Variants in ADGRL2 observed in about 807,000 individuals in gnomAD.
The protein encoded by ADGRL2 is adhesion G protein-coupled receptor L2.
ADGRL2 carries 44 observed loss-of-function variants against 157.4 expected under a neutral mutation model. That is an observed-to-expected ratio of 0.28 (90% CI 0.22 to 0.36). ADGRL2 has a LOEUF of 0.36. ADGRL2 is among the 10% of genes least tolerant of loss of function. ADGRL2 has a pLI of 1.00. For synonymous variants in ADGRL2, 585 were observed against 624.7 expected (o/e 0.94, Z 0.95); for missense variants, 1,510 against 1,768.9 (o/e 0.85, Z 2.63).
At chr1:81,788,662 C>T (rs1017890747) in intron 2 of ADGRL2, among the ~76,000 whole-genome samples, 75 of 152,278 alleles carry the variant, frequency 4.9e-4, no homozygotes, top group African/African-American at 1.6e-3. Flanking sequence ...TTGCTATGAG[C>T]TAATATACAC....
chr1:81,663,147 T>C (rs1049721255), intron 3 of ADGRL2, among the ~76,000 whole-genome samples: 3 of 142,760 alleles, frequency 2.1e-5, no homozygotes, highest in Non-Finnish European at 3.0e-5. Flanking sequence ...CCAAGAAAGC[T>C]TCTTTCCAAG....
At chr1:81,864,087 G>T (rs2093464691) in intron 2 of ADGRL2, among the ~76,000 whole-genome samples, 1 of 152,036 alleles carries the variant, frequency 6.6e-6, no homozygotes, top group Admixed American at 6.6e-5. Context: ...AGCATTTCAG[G>T]TATTTTAATT....
chr1:81,455,820 T>A (rs2077793963), intron 2 of ADGRL2, among the ~76,000 whole-genome samples: 1 of 152,204 alleles, frequency 6.6e-6, no homozygotes, highest in Non-Finnish European at 1.5e-5. Context: ...AGTGGTGATT[T>A]TAGAAAGACT....
At chr1:81,404,895 A>G in intron 1 of ADGRL2, among the ~76,000 whole-genome samples, 1 of 152,342 alleles carries the variant, frequency 6.6e-6, no homozygotes, top group South Asian at 2.1e-4. Context: ...ACAAATCAAG[A>G]TGATTATTAA....
intron 1 of ADGRL2, among the ~76,000 whole-genome samples, chr1:81,376,837 C>T (rs1355892683): frequency 1.3e-5 from 2 of 152,070 alleles, no homozygotes; most frequent in African/African-American, 4.8e-5. Flanking sequence ...GGTTTGCCAA[C>T]ACTAACAGCA....
intron 3 of ADGRL2, among the ~76,000 whole-genome samples, chr1:81,683,641 C>T (rs1371097767): frequency 4.6e-5 from 7 of 151,198 alleles, no homozygotes; most frequent in South Asian, 2.1e-4. Flanking sequence ...TTTATGGCTG[C>T]GTAGTATTCC....
intron 2 of ADGRL2, chr1:81,502,331 C>A: frequency 6.2e-7 from 1 of 1,614,092 alleles, no homozygotes; most frequent in Non-Finnish European, 8.5e-7. Context: ...GCAGCTCAAG[C>A]AGAATGGTGG....
rs139725295 is a variant in ADGRL2, at chr1:81,553,378, G to T, written c.-247-27498G>T. Among the ~76,000 whole-genome samples, 183 of 152,228 alleles carry T rather than the reference G, an allele frequency of 1.2e-3. 2 individuals are homozygous for T. Among genetic ancestry groups the T allele is most frequent in the Admixed American group, 0.011 (165 of 15,292 alleles). ...TTTAGTATCTCCCAAAGCAGTATTTGCAGCTATGCAAAAATTTTTCACATC... is the reference window on the plus strand; with the variant it reads ...TTTAGTATCTCCCAAAGCAGTATTTTCAGCTATGCAAAAATTTTTCACATC... On this transcript the variant is annotated intron_variant, in intron 2 of 24. Coordinates refer to the ADGRL2 transcript ENST00000370721.
At chr1:81,604,563 T>C (rs1193902224) in intron 3 of ADGRL2, among the ~76,000 whole-genome samples, 1 of 152,216 alleles carries the variant, frequency 6.6e-6, no homozygotes, top group African/African-American at 2.4e-5. Context: ...TGCTAAGGAC[T>C]GAGATGCTTT....
upstream of ADGRL2, among the ~76,000 whole-genome samples, chr1:81,695,593 G>A (rs1188672871): frequency 6.6e-6 from 1 of 152,152 alleles, no homozygotes; most frequent in African/African-American, 2.4e-5. Flanking sequence ...ACCAAGGTGG[G>A]TGGATCACTT....
intron 3 of ADGRL2, among the ~76,000 whole-genome samples, chr1:81,659,147 C>T (rs1326894047): frequency 6.6e-6 from 1 of 150,638 alleles, no homozygotes; most frequent in Non-Finnish European, 1.5e-5. Context: ...CTGCAACCTC[C>T]CCCTCCTGGG....
At chr1:81,457,378 A>T (rs958149551) in intron 2 of ADGRL2, among the ~76,000 whole-genome samples, 2 of 152,090 alleles carry the variant, frequency 1.3e-5, no homozygotes, top group Non-Finnish European at 2.9e-5. Context: ...TTTATTTATT[A>T]ATTTATTTTT....
chr1:81,760,055 T>A (rs1185825886), intron 1 of ADGRL2, among the ~76,000 whole-genome samples: 1 of 151,992 alleles, frequency 6.6e-6, no homozygotes, highest in African/African-American at 2.4e-5. Context: ...GCAAAAAAAA[T>A]TCTTTTTTAA....
chr1:81,307,086 A>G (rs867008972), intron 1 of ADGRL2, among the ~76,000 whole-genome samples: 2 of 152,376 alleles, frequency 1.3e-5, no homozygotes, highest in Non-Finnish European at 1.5e-5. Flanking sequence ...GAAGTATTAC[A>G]AATAGTTAGG....
chr1:81,848,773 A>G (rs541390361), intron 2 of ADGRL2, among the ~76,000 whole-genome samples: 5 of 152,090 alleles, frequency 3.3e-5, no homozygotes, highest in African/African-American at 9.6e-5. Flanking sequence ...AGCACAATTT[A>G]TCTTTGAAGT....
chr1:81,390,804 T>C (rs1157266246), intron 1 of ADGRL2, among the ~76,000 whole-genome samples: 2 of 152,298 alleles, frequency 1.3e-5, no homozygotes, highest in East Asian at 1.9e-4. Context: ...TGCAACAAAA[T>C]TTATTTAACC....
intron 1 of ADGRL2, among the ~76,000 whole-genome samples, chr1:81,405,277 A>G (rs2101333160): frequency 6.6e-6 from 1 of 152,328 alleles, no homozygotes; most frequent in Non-Finnish European, 1.5e-5. Flanking sequence ...GGAAGAATGA[A>G]GTCTTTTTTG....
upstream of ADGRL2, among the ~76,000 whole-genome samples, chr1:81,799,950 G>A (rs1436650175): frequency 6.6e-6 from 1 of 152,090 alleles, no homozygotes; most frequent in East Asian, 1.9e-4. Flanking sequence ...GCTTTTAAAC[G>A]TTTTTCCAGC....
intron 1 of ADGRL2, among the ~76,000 whole-genome samples, chr1:81,746,975 CACACGTGT>C (rs1557615584): frequency 1.4e-5 from 2 of 147,478 alleles, no homozygotes; most frequent in Non-Finnish European, 3.0e-5. Flanking sequence ...CACACGTATA[CACACGTGT>C]GTATATACGT....
Sources: gnomAD v4.1 joint callset for allele counts (sites outside exome capture counted in the v4.1 genomes callset) on GRCh38, gnomAD v4.1.1 for gene constraint, MANE v1.5 for transcripts, NCBI Gene and HGNC (gene_info 2026-07-23, HGNC 2026-07-21) for gene names.